PEBP4: variants seen among roughly 807,000 people sequenced by gnomAD.
The protein encoded by PEBP4 is phosphatidylethanolamine-binding protein 4.
A neutral mutation model predicts 23.9 loss-of-function variants in PEBP4; 22 were observed. The observed-to-expected ratio is 0.92, with a 90% CI of 0.66 to 1.31. PEBP4 has a LOEUF of 1.31. PEBP4 is among the 40% of genes most tolerant of loss of function. PEBP4 has a pLI of 0.00. For synonymous variants in PEBP4, 112 were observed against 99.3 expected, an observed-to-expected ratio of 1.13 and a Z score of -0.76; for missense variants, 324 against 281.7, an observed-to-expected ratio of 1.15 and a Z score of -1.07.
chr8:22,778,440 A>T (rs1465775888), intron 4 of PEBP4, among the ~76,000 whole-genome samples: 1 of 149,278 alleles, frequency 6.7e-6, no homozygotes, highest in East Asian at 2.0e-4. Flanking sequence ...GCTGGAGTGC[A>T]GTGGCATGGT....
intron 4 of PEBP4, among the ~76,000 whole-genome samples, chr8:22,804,523 TAC>T (rs1585282048): frequency 6.6e-6 from 1 of 152,104 alleles, no homozygotes; most frequent in Admixed American, 6.5e-5. Flanking sequence ...CCACCCTCTT[TAC>T]AGTTTTTAAG....
At chr8:22,800,836 C>A (rs1309479700) in intron 4 of PEBP4, among the ~76,000 whole-genome samples, 1 of 152,124 alleles carries the variant, frequency 6.6e-6, no homozygotes, top group Non-Finnish European at 1.5e-5. Context: ...TGGGAGAATG[C>A]CAGTTTCCTT....
intron 1 of PEBP4, among the ~76,000 whole-genome samples, chr8:22,934,678 T>TGCAAGCAA (rs952982027): frequency 6.6e-6 from 1 of 151,676 alleles, no homozygotes. Context: ...CTCTTAAGAA[T>TGCAAGCAA]GCAAGCAAGC....
At chr8:22,725,419 G>A (rs1227329972) in intron 5 of PEBP4, among the ~76,000 whole-genome samples, 1 of 152,144 alleles carries the variant, frequency 6.6e-6, no homozygotes, top group Non-Finnish European at 1.5e-5. Flanking sequence ...GCGTCTGGAG[G>A]GTCTGGAAGT....
At chr8:22,923,392 T>C (rs1334689117) in intron 2 of PEBP4, among the ~76,000 whole-genome samples, 1 of 152,030 alleles carries the variant, frequency 6.6e-6, no homozygotes, top group Non-Finnish European at 1.5e-5. Context: ...CGTAGTGAGA[T>C]CCTGTCTCTA....
chr8:22,835,740 C>T (rs1167356701), intron 3 of PEBP4, among the ~76,000 whole-genome samples: 1 of 152,228 alleles, frequency 6.6e-6, no homozygotes, highest in Non-Finnish European at 1.5e-5. Flanking sequence ...CCCATGGAGC[C>T]CCAAAATGCC....
chr8:22,789,318 G>C (rs1003667574), intron 4 of PEBP4, among the ~76,000 whole-genome samples: 1 of 152,152 alleles, frequency 6.6e-6, no homozygotes, highest in Non-Finnish European at 1.5e-5. Context: ...CACCCCTAGA[G>C]ATCGTCGGGC....
At chr8:22,760,466 G>C (rs1245867149) in intron 4 of PEBP4, among the ~76,000 whole-genome samples, 1 of 152,128 alleles carries the variant, frequency 6.6e-6, no homozygotes, top group African/African-American at 2.4e-5. Context: ...GCATATAGTA[G>C]GTGCTTGGTG....
chr8:22,884,768 T>C (rs1475580284), intron 3 of PEBP4: 1 of 152,300 alleles, frequency 6.6e-6, no homozygotes, highest in Non-Finnish European at 1.5e-5. Context: ...CTTCTCCCAA[T>C]GTCCTCTCCT....
chr8:22,830,560 C>T (rs1414556514), intron 3 of PEBP4, among the ~76,000 whole-genome samples: 1 of 152,158 alleles, frequency 6.6e-6, no homozygotes, highest in Admixed American at 6.5e-5. Context: ...GTCCAATGAC[C>T]CACTTTCCAT....
chr8:22,736,610 T>TA (rs1391881501), intron 4 of PEBP4, among the ~76,000 whole-genome samples: 3 of 151,890 alleles, frequency 2.0e-5, no homozygotes, highest in Non-Finnish European at 4.4e-5. Flanking sequence ...GTCTCAAAAA[T>TA]AAAAAAAGTA....
chr8:22,797,159 C>A (rs1046356608), intron 4 of PEBP4, among the ~76,000 whole-genome samples: 5 of 148,592 alleles, frequency 3.4e-5, no homozygotes, highest in African/African-American at 1.2e-4. Flanking sequence ...AAGGCTGAGG[C>A]AGAAGAATCG....
intron 6 of PEBP4, among the ~76,000 whole-genome samples, chr8:22,716,247 G>C (rs1436347398): frequency 6.6e-6 from 1 of 152,208 alleles, no homozygotes; most frequent in Non-Finnish European, 1.5e-5. Context: ...CTGCACAACC[G>C]TAGGGGGTGC....
chr8:22,814,139 T>G (rs1806690859), intron 4 of PEBP4, among the ~76,000 whole-genome samples: 1 of 152,208 alleles, frequency 6.6e-6, no homozygotes, highest in African/African-American at 2.4e-5. Flanking sequence ...AACAACAGTG[T>G]GAAGTAGGCA....
At chr8:22,740,202 A>G (rs935989121) in intron 4 of PEBP4, among the ~76,000 whole-genome samples, 1 of 152,224 alleles carries the variant, frequency 6.6e-6, no homozygotes. Flanking sequence ...ACTCTGGAAG[A>G]AAGGTCAGGA....
rs138360216 is a variant in PEBP4, at chr8:22,763,503, T to G, written c.358-36283A>C. On this transcript the variant is annotated intron_variant, in intron 4 of 6. Coordinates refer to ENST00000256404, the MANE Select transcript of PEBP4 (RefSeq NM_144962.3). ...GCCCTAGAGCGTGTAGCTTCGAATCTTGCACTGCCACTTCCCGGATCTCTG... is the reference window on the plus strand; with the variant it reads ...GCCCTAGAGCGTGTAGCTTCGAATCGTGCACTGCCACTTCCCGGATCTCTG... Among the ~76,000 whole-genome samples, 3 of 152,288 alleles carry G rather than the reference T, an allele frequency of 2.0e-5. No homozygotes were observed. In the East Asian group the frequency reaches 5.8e-4, roughly 29 times the overall value.
At chr8:22,842,789 C>G (rs962993737) in intron 3 of PEBP4, among the ~76,000 whole-genome samples, 3 of 152,142 alleles carry the variant, frequency 2.0e-5, no homozygotes, top group African/African-American at 7.2e-5. Context: ...CTGTTGCCAT[C>G]TGGAAATTCT....
chr8:22,888,156 T>TC (rs1383617089), intron 3 of PEBP4: 4 of 43,172 alleles, frequency 9.3e-5, no homozygotes, highest in African/African-American at 2.8e-4. Context: ...CACCCACTTC[T>TC]TTTTTTTTTT....
At chr8:22,828,257 G>A (rs542996323) in intron 3 of PEBP4, among the ~76,000 whole-genome samples, 1 of 152,272 alleles carries the variant, frequency 6.6e-6, no homozygotes, top group Admixed American at 6.5e-5. Flanking sequence ...CCTCATTCTT[G>A]AACTTCTGGT....
Sources: gnomAD v4.1 joint callset for allele counts (sites outside exome capture counted in the v4.1 genomes callset) on GRCh38, gnomAD v4.1.1 for gene constraint, MANE v1.5 for transcripts, NCBI Gene and HGNC (gene_info 2026-07-23, HGNC 2026-07-21) for gene names.